Variants in KCNMA1 observed in about 807,000 individuals in gnomAD.
The protein encoded by KCNMA1 is potassium calcium-activated channel subfamily M alpha 1.
KCNMA1 carries 29 observed loss-of-function variants against 140.0 expected under a neutral mutation model. The ratio of observed to expected loss-of-function variants is 0.21; its 90% CI spans 0.15 to 0.28. The LOEUF (loss-of-function observed/expected upper bound fraction) is 0.28. Among genes scored for constraint, KCNMA1 ranks in the 10% least tolerant of loss-of-function variants. The pLI is 1.00. For missense variants in KCNMA1, 880 were observed against 1,602.2 expected, an observed-to-expected ratio of 0.55 and a Z score of 7.70; for synonymous variants, 612 against 611.9, an observed-to-expected ratio of 1.00 and a Z score of 0.00.
intron 2 of KCNMA1, among the ~76,000 whole-genome samples, chr10:77,255,542 G>A (rs1027921772): frequency 6.6e-6 from 1 of 152,110 alleles, no homozygotes; most frequent in African/African-American, 2.4e-5. Context: ...AGAGGTTGCA[G>A]TGAGCCAAGA....
At chr10:77,061,284 G>A (rs1015468978) in intron 14 of KCNMA1, among the ~76,000 whole-genome samples, 11 of 151,968 alleles carry the variant, frequency 7.2e-5, no homozygotes, top group African/African-American at 1.2e-4. Flanking sequence ...TATATCCAAC[G>A]AGATCCAAAA....
intron 20 of KCNMA1, among the ~76,000 whole-genome samples, chr10:76,958,771 C>T (rs1189925392): frequency 6.6e-6 from 1 of 152,120 alleles, no homozygotes; most frequent in Non-Finnish European, 1.5e-5. Flanking sequence ...GGAACCAACC[C>T]TCCCAGACTT....
chr10:77,544,305 T>C (rs918691635), intron 1 of KCNMA1, among the ~76,000 whole-genome samples: 1 of 152,066 alleles, frequency 6.6e-6, no homozygotes, highest in African/African-American at 2.4e-5. Context: ...TCAAAAACAA[T>C]TGTTATAATT....
At chr10:77,616,034 G>A (rs1297267900) in intron 1 of KCNMA1, among the ~76,000 whole-genome samples, 1 of 152,216 alleles carries the variant, frequency 6.6e-6, no homozygotes, top group Non-Finnish European at 1.5e-5. Flanking sequence ...GCAAGGTTAA[G>A]TAAATTGGCC....
chr10:77,066,969 G>T (rs1443425427), intron 14 of KCNMA1, among the ~76,000 whole-genome samples: 1 of 152,068 alleles, frequency 6.6e-6, no homozygotes, highest in Non-Finnish European at 1.5e-5. Context: ...TTCTGCTTCT[G>T]GTATGCCTCC....
rs749612964 is a variant in KCNMA1 at position 77,470,340 on chromosome 10, C to T, written c.379-66317G>A. ...AAACTGAGGAGGTGAGGCCCGGAAA[C>T]GTGTCACTAAAGCTGCTTACTGTGT... On this transcript the variant is annotated intron_variant, in intron 1 of 27. Coordinates refer to ENST00000286628, the MANE Select transcript of KCNMA1 (RefSeq NM_001161352.2). Among the ~76,000 whole-genome samples the T allele has an allele frequency of 3.3e-5, 5 of 152,246 alleles. No homozygotes were observed. In the South Asian group the frequency reaches 6.2e-4, roughly 19 times the overall value.
chr10:77,542,888 C>A (rs2060503019), intron 1 of KCNMA1, among the ~76,000 whole-genome samples: 1 of 152,166 alleles, frequency 6.6e-6, no homozygotes, highest in South Asian at 2.1e-4. Flanking sequence ...TGCAGAGAAG[C>A]AGACTGTGAG....
chr10:77,052,266 G>T (rs1291377155), intron 14 of KCNMA1, among the ~76,000 whole-genome samples: 1 of 152,158 alleles, frequency 6.6e-6, no homozygotes. Flanking sequence ...GCCACCCATG[G>T]ACTTTCCTAA....
chr10:77,290,922 G>A (rs186229790), intron 2 of KCNMA1, among the ~76,000 whole-genome samples: 1 of 152,352 alleles, frequency 6.6e-6, no homozygotes, highest in East Asian at 1.9e-4. Context: ...AGGCTGGCCA[G>A]GAGGGGCAGT....
chr10:76,928,328 T>C (rs2058347808), intron 23 of KCNMA1, among the ~76,000 whole-genome samples: 1 of 150,960 alleles, frequency 6.6e-6, no homozygotes, highest in Non-Finnish European at 1.5e-5. Flanking sequence ...CACACACATA[T>C]TTAGACCTAA....
At chr10:77,604,990 G>T (rs1226669981) in intron 1 of KCNMA1, among the ~76,000 whole-genome samples, 1 of 152,012 alleles carries the variant, frequency 6.6e-6, no homozygotes, top group Non-Finnish European at 1.5e-5. Context: ...ATCAGGTGTG[G>T]CTCCAAAAAA....
intron 1 of KCNMA1, among the ~76,000 whole-genome samples, chr10:77,458,361 C>T (rs1422974243): frequency 6.6e-6 from 1 of 152,202 alleles, no homozygotes; most frequent in African/African-American, 2.4e-5. Flanking sequence ...GGCAGGTCCT[C>T]CTCCCTGAGG....
At chr10:77,565,691 G>A (rs1213386153) in intron 1 of KCNMA1, among the ~76,000 whole-genome samples, 1 of 152,244 alleles carries the variant, frequency 6.6e-6, no homozygotes, top group Non-Finnish European at 1.5e-5. Flanking sequence ...GTTGTAAGAA[G>A]GAAATGAGTT....
rs79137196 is a variant in KCNMA1 at position 77,600,020 on chromosome 10, T to C, written c.378+37245A>G. On this transcript the variant is annotated intron_variant, in intron 1 of 27. Coordinates refer to ENST00000286628, the MANE Select transcript of KCNMA1 (RefSeq NM_001161352.2). ...GAAAGCTCACTGCCAACCATCTCCA[T>C]GTCACAAGAAGTCACCCTGAGCATA... Among the ~76,000 whole-genome samples, 1,238 of 152,304 alleles carry C rather than the reference T, an allele frequency of 8.1e-3. 5 individuals are homozygous for C. Among genetic ancestry groups the C allele is most frequent in the Non-Finnish European group, 0.012 (844 of 68,030 alleles).
intron 1 of KCNMA1, among the ~76,000 whole-genome samples, chr10:77,555,917 C>T (rs749686262): frequency 2.0e-5 from 3 of 152,152 alleles, no homozygotes; most frequent in South Asian, 4.1e-4. Flanking sequence ...CATCTTTGAT[C>T]GTCACTACCT....
intron 19 of KCNMA1, among the ~76,000 whole-genome samples, chr10:77,001,139 G>A (rs923281866): frequency 8.5e-5 from 13 of 152,074 alleles, no homozygotes; most frequent in African/African-American, 3.1e-4. Flanking sequence ...TTTATTTAAA[G>A]GAGAGAGAGG....
chr10:77,404,747 G>A (rs1182882164), intron 1 of KCNMA1, among the ~76,000 whole-genome samples: 2 of 152,044 alleles, frequency 1.3e-5, no homozygotes, highest in South Asian at 2.1e-4. Context: ...AGTCTATGTA[G>A]TTCAAAGGGG....
At chr10:77,066,756 T>C (rs745332530) in intron 14 of KCNMA1, among the ~76,000 whole-genome samples, 1 of 152,202 alleles carries the variant, frequency 6.6e-6, no homozygotes, top group Non-Finnish European at 1.5e-5. Flanking sequence ...ACATTGTCCA[T>C]GGGTAATAGA....
chr10:77,572,603 T>TATATATATATATATATAA (rs1491270036), intron 1 of KCNMA1, among the ~76,000 whole-genome samples: 56 of 98,630 alleles, frequency 5.7e-4, no homozygotes, highest in Non-Finnish European at 1.0e-3. Context: ...TATATATATA[T>TATATATATATATATATAA]AAATTAGCTG....
Sources: allele counts gnomAD v4.1 joint callset (sites outside exome capture counted in the v4.1 genomes callset), GRCh38; gene constraint gnomAD v4.1.1; transcripts MANE v1.5; gene names NCBI Gene and HGNC (gene_info 2026-07-23, HGNC 2026-07-21).